The following ZSWIM5 variants were observed in gnomAD, a reference collection of about 807,000 sequenced individuals.
ZSWIM5 encodes zinc finger SWIM domain-containing protein 5.
ZSWIM5 carries 55 observed loss-of-function variants against 119.6 expected under a neutral mutation model. The observed-to-expected ratio is 0.46, with a 90% CI of 0.37 to 0.58. The LOEUF (loss-of-function observed/expected upper bound fraction) is 0.58, where lower values mean the gene tolerates loss of function less well. Ranked by LOEUF, ZSWIM5 falls within the 20% of genes least tolerant of loss-of-function variation. The probability of loss-of-function intolerance (pLI) is 0.00; values close to 1 mark genes in which losing one functional copy is unlikely to be tolerated. For synonymous variants in ZSWIM5, 537 were observed against 606.9 expected, an observed-to-expected ratio of 0.88 and a Z score of 1.69; for missense variants, 1,193 against 1,512.8, an observed-to-expected ratio of 0.79 and a Z score of 3.51.
rs150460320 is a variant in ZSWIM5, at chr1:45,203,134, A to G, written c.595+2622T>C. The stretch of plus-strand genomic sequence containing the variant: ...TTAAAAGGAATACTACTTCTGATGC[A>G]GTACTTACATAAAAGAAATGTATCC... On this transcript the variant is annotated intron_variant, in intron 1 of 13. Coordinates refer to ENST00000359600, the MANE Select transcript of ZSWIM5 (RefSeq NM_020883.2). Among the ~76,000 whole-genome samples the G allele has an allele frequency of 2.3e-3, 352 of 152,164 alleles. 2 individuals are homozygous for G. The highest frequency in any genetic ancestry group is 7.7e-3 in the African/African-American group (321 of 41,578).
chr1:45,191,960 T>C (rs575434366), intron 1 of ZSWIM5, among the ~76,000 whole-genome samples: 1 of 152,306 alleles, frequency 6.6e-6, no homozygotes, highest in African/African-American at 2.4e-5. Context: ...ATTGCCACTA[T>C]CTAATTTTGG....
rs560782479 is a variant in ZSWIM5, at chr1:45,042,074, T to C, written c.1609+1145A>G. On this transcript the variant is annotated intron_variant, in intron 6 of 13. Transcript: ENST00000359600. Reference sequence around the variant, plus strand: ...CTCATCTGTACCTTATTTTTATCCATGCTGTAATGAGCCCCTTAGCTATAT... The same window carrying C: ...CTCATCTGTACCTTATTTTTATCCACGCTGTAATGAGCCCCTTAGCTATAT... Among the ~76,000 whole-genome samples the C allele has an allele frequency of 3.1e-4, 47 of 152,344 alleles. 1 individual carries two copies. The highest frequency in any genetic ancestry group is 5.6e-4 in the Non-Finnish European group (38 of 68,032).
At chr1:45,119,525 G>A (rs912611575) in intron 1 of ZSWIM5, among the ~76,000 whole-genome samples, 5 of 152,222 alleles carry the variant, frequency 3.3e-5, no homozygotes, top group East Asian at 1.9e-4. Flanking sequence ...ATTATCTTGC[G>A]GGGTAAGGAC....
chr1:45,089,087 T>G (rs554080092), intron 1 of ZSWIM5, among the ~76,000 whole-genome samples: 2 of 152,184 alleles, frequency 1.3e-5, no homozygotes, highest in East Asian at 3.9e-4. Flanking sequence ...CAGCCTCAAG[T>G]GCAAAAATAC....
chr1:45,055,018 G>A (rs1189450860), intron 4 of ZSWIM5, among the ~76,000 whole-genome samples: 2 of 152,060 alleles, frequency 1.3e-5, no homozygotes, highest in Non-Finnish European at 2.9e-5. Flanking sequence ...TTAAGATGGA[G>A]TCTCATTGTG....
chr1:45,055,826 A>G (rs981542593), intron 4 of ZSWIM5, among the ~76,000 whole-genome samples: 14 of 152,190 alleles, frequency 9.2e-5, no homozygotes, highest in Admixed American at 2.0e-4. Context: ...ATGGAAACCA[A>G]GAGAAGAGTG....
chr1:45,083,880 G>A (rs1048396004), intron 2 of ZSWIM5, among the ~76,000 whole-genome samples: 2 of 152,278 alleles, frequency 1.3e-5, no homozygotes. Flanking sequence ...GAGGAAGAGA[G>A]AGAAGTGGGA....
intron 1 of ZSWIM5, among the ~76,000 whole-genome samples, chr1:45,198,993 C>G (rs1337530976): frequency 6.6e-6 from 1 of 152,072 alleles, no homozygotes; most frequent in Non-Finnish European, 1.5e-5. Flanking sequence ...GAATCTTTTG[C>G]TTAAGTATAT....
rs112350029 is a variant in ZSWIM5 at position 45,193,938 on chromosome 1, G to GTATATATATATATATATA, written c.595+11800_595+11817dup. 3.6e-3 allele frequency among the ~76,000 whole-genome samples: 526 copies of GTATATATATATATATATA among 146,206 alleles called. 1 individual carries two copies. Among genetic ancestry groups the GTATATATATATATATATA allele is most frequent in the East Asian group, 7.0e-3 (35 of 5,012 alleles). ...TATGTGTACATATGTGTGCATATGT[G>GTATATATATATATATATA]TATATATATATATATATACATACAT... On this transcript the variant is annotated intron_variant, in intron 1 of 13. Coordinates refer to ENST00000359600, the MANE Select transcript of ZSWIM5 (RefSeq NM_020883.2).
intron 1 of ZSWIM5, among the ~76,000 whole-genome samples, chr1:45,150,629 A>T (rs183929366): frequency 6.8e-4 from 103 of 152,236 alleles, no homozygotes; most frequent in African/African-American, 2.3e-3. Flanking sequence ...CTTTGCAATT[A>T]TTCTTTCCTT....
At chr1:45,078,967 T>A (rs1173879897) in intron 2 of ZSWIM5, among the ~76,000 whole-genome samples, 1 of 152,200 alleles carries the variant, frequency 6.6e-6, no homozygotes, top group East Asian at 1.9e-4. Context: ...TAGGTCCAGA[T>A]GGCCCGAAGC....
intron 4 of ZSWIM5, among the ~76,000 whole-genome samples, chr1:45,054,315 G>A (rs1645108196): frequency 6.6e-6 from 1 of 152,100 alleles, no homozygotes; most frequent in African/African-American, 2.4e-5. Flanking sequence ...GGGCGTGGTG[G>A]CTCATGTCTA....
intron 11 of ZSWIM5, among the ~76,000 whole-genome samples, chr1:45,023,358 G>A (rs1644899699): frequency 6.6e-6 from 1 of 151,766 alleles, no homozygotes; most frequent in Admixed American, 6.6e-5. Flanking sequence ...TTTCAGACTG[G>A]CTTTTTTCTT....
At chr1:45,169,993 G>A (rs557187172) in intron 1 of ZSWIM5, among the ~76,000 whole-genome samples, 2 of 152,166 alleles carry the variant, frequency 1.3e-5, no homozygotes, top group East Asian at 3.9e-4. Flanking sequence ...ACATTTCTGT[G>A]TGTGTGTGTA....
At chr1:45,108,202 T>C (rs544179334) in intron 1 of ZSWIM5, among the ~76,000 whole-genome samples, 1 of 152,318 alleles carries the variant, frequency 6.6e-6, no homozygotes, top group Admixed American at 6.5e-5. Flanking sequence ...ACATACAAGG[T>C]ACATATGTTG....
At chr1:45,090,897 A>C (rs1213911639) in intron 1 of ZSWIM5, among the ~76,000 whole-genome samples, 1 of 152,082 alleles carries the variant, frequency 6.6e-6, no homozygotes, top group African/African-American at 2.4e-5. Context: ...CTCCAGACCT[A>C]TACCCACCAG....
intron 1 of ZSWIM5, among the ~76,000 whole-genome samples, chr1:45,159,762 T>C (rs544838116): frequency 6.6e-6 from 1 of 152,222 alleles, no homozygotes; most frequent in South Asian, 2.1e-4. Flanking sequence ...CTGATTTTTG[T>C]ATTTTTAGAA....
intron 1 of ZSWIM5, among the ~76,000 whole-genome samples, chr1:45,110,691 AAAGAAAAATAACC>A (rs1645511273): frequency 6.6e-6 from 1 of 152,224 alleles, no homozygotes; most frequent in African/African-American, 2.4e-5. Flanking sequence ...TCGACAAGAA[AAAGAAAAATAACC>A]AAGCAAGTCT....
At position 45,051,251 on chromosome 1, in the gene ZSWIM5, C is replaced by A; in HGVS notation, c.1255G>T (p.Ala419Ser). Reference sequence around the variant, plus strand: ...TTTAAAATTATGCACACCCATAAAGCCCCTGGAAAATAAAGCAACCCATAT... The same window carrying A: ...TTTAAAATTATGCACACCCATAAAGACCCTGGAAAATAAAGCAACCCATAT... Reference protein sequence around the residue: ...KCRQLWDELGALWVCIILNPH... With the variant: ...KCRQLWDELGSLWVCIILNPH... Residue 419 changes from alanine to serine, a missense_variant and splice_region_variant, in exon 5 of 14, where the codon GCT becomes TCT. This residue lies in a region of ZSWIM5 where 961 missense variants were observed against 1,290.0 expected (regional missense o/e 0.74). Coordinates refer to ENST00000359600, the MANE Select transcript of ZSWIM5 (RefSeq NM_020883.2). 1 of 1,612,532 alleles carries A rather than the reference C, an allele frequency of 6.2e-7. No individual in the cohort carries two copies. Among genetic ancestry groups the A allele is most frequent in the Non-Finnish European group, 8.5e-7 (1 of 1,179,458 alleles).
Sources: gnomAD v4.1 joint callset for allele counts (sites outside exome capture counted in the v4.1 genomes callset) on GRCh38, gnomAD v4.1.1 for gene constraint, gnomAD v4.1.1 regional missense constraint, MANE v1.5 for transcripts, NCBI Gene and HGNC (gene_info 2026-07-23, HGNC 2026-07-21) for gene names.